CC2D2A: variants seen among roughly 807,000 people sequenced by gnomAD.
CC2D2A encodes coiled-coil and C2 domain-containing protein 2A.
A neutral mutation model predicts 212.9 loss-of-function variants in CC2D2A; 155 were observed. That is an observed-to-expected ratio of 0.73 (90% CI 0.64 to 0.83). The LOEUF (loss-of-function observed/expected upper bound fraction) is 0.83, where lower values mean the gene tolerates loss of function less well. CC2D2A is among the 40% of genes least tolerant of loss of function. CC2D2A has a pLI of 0.00. For synonymous variants in CC2D2A, 667 were observed against 686.5 expected (o/e 0.97, Z 0.44); for missense variants, 1,856 against 1,956.2 (o/e 0.95, Z 0.97).
chr4:15,580,376 G>A (rs1720608929), intron 30 of CC2D2A, among the ~76,000 whole-genome samples: 1 of 152,160 alleles, frequency 6.6e-6, no homozygotes, highest in Non-Finnish European at 1.5e-5. Context: ...AGTGGCTCAT[G>A]CCTGTAATCC....
chr4:15,574,514 G>A (rs970408218), intron 29 of CC2D2A, among the ~76,000 whole-genome samples, 188 bp downstream of exon 29: 1 of 152,160 alleles, frequency 6.6e-6, no homozygotes, highest in African/African-American at 2.4e-5. Flanking sequence ...TACTTTCACT[G>A]AACCAGTAAT....
At chr4:15,475,452 G>A (rs1379608861) in intron 1 of CC2D2A, among the ~76,000 whole-genome samples, 2 of 152,160 alleles carry the variant, frequency 1.3e-5, no homozygotes, top group Non-Finnish European at 2.9e-5. Context: ...ACTGTTCAAG[G>A]AGGGGCCCCA....
rs1718152536 is a variant in CC2D2A, at chr4:15,536,740, C to T, written c.1608-180C>T. The stretch of plus-strand genomic sequence containing the variant: ...TTACTTAACTTCTATGTGCCTCTGT[C>T]ATCTCATGTATACGATGTGGATAAT... On this transcript the variant is annotated intron_variant, in intron 14 of 36. Transcript: ENST00000424120. Among the ~76,000 whole-genome samples, 3 of 152,190 alleles carry T rather than the reference C, an allele frequency of 2.0e-5. No individual in the cohort carries two copies. In the South Asian group the frequency reaches 6.2e-4, roughly 32 times the overall value.
chr4:15,533,234 G>A lies in CC2D2A; in HGVS notation c.1508G>A (p.Arg503Lys), dbSNP rs1560169228. ...CGTGATGCTGAACAAGAAAAAGATA[G>A]AACATTGCTTAAGACTATCATAAAA... is the stretch of plus-strand genomic sequence containing the variant. ...KFRDAEQEKD[R>K]TLLKTIIKVW... Residue 503 changes from arginine (R) to lysine (K), a missense_variant, in exon 14 of 37, where the codon AGA becomes AAA. Around this residue, in one of 5 missense-constraint regions of CC2D2A, gnomAD observed 1,512 missense variants for 1,579.3 expected, o/e 0.96. Transcript: ENST00000424120. 3 of 1,596,702 alleles carry A rather than the reference G, an allele frequency of 1.9e-6. No individual in the cohort carries two copies. The highest frequency in any genetic ancestry group is 3.6e-5 in the Admixed American group (2 of 55,332).
chr4:15,489,092 T>G (rs1003443540), intron 4 of CC2D2A, among the ~76,000 whole-genome samples: 1 of 152,240 alleles, frequency 6.6e-6, no homozygotes, highest in Non-Finnish European at 1.5e-5. Context: ...AACATCTGTT[T>G]TCCATTCATT....
In CC2D2A at chr4:15,596,091, T is replaced by C. The variant is rs1721307174; in HGVS notation, c.4321T>C (p.Phe1441Leu). The C allele has an allele frequency of 1.3e-6, 2 of 1,546,556 alleles. No homozygotes were observed. Among genetic ancestry groups the C allele is most frequent in the Non-Finnish European group, 1.7e-6 (2 of 1,144,294 alleles). ...GCLIGPDNIWFNIQRYESPLR... is the reference protein window; with the variant it reads ...GCLIGPDNIWLNIQRYESPLR... ...GTAGTCTTGTCTTTCTTAGATTTGG[T>C]TTAATATTCAACGATATGAATCTCC... is the stretch of plus-strand genomic sequence containing the variant. Residue 1441 changes from phenylalanine (F) to leucine (L), a missense_variant, in exon 34 of 37, where the codon TTT becomes CTT. Coordinates refer to ENST00000424120, the MANE Select transcript of CC2D2A (RefSeq NM_001378615.1).
chr4:15,511,402 A>C lies in CC2D2A; in HGVS notation c.696A>C (p.Ala232=). The C allele has an allele frequency of 6.4e-7, 1 of 1,550,754 alleles. No homozygotes were observed. The highest frequency in any genetic ancestry group is 8.6e-7 in the Non-Finnish European group (1 of 1,157,112). Residue 232 remains alanine (A), a synonymous_variant, in exon 8 of 37, where the codon GCA becomes GCC. Coordinates refer to ENST00000424120, the MANE Select transcript of CC2D2A (RefSeq NM_001378615.1). ...EEEGEEEEPP[A]QGGGKEMDEE... is the part of the protein sequence containing the mutation. The stretch of plus-strand genomic sequence containing the variant: ...AAGGGGAAGAAGAAGAACCACCTGC[A>C]CAAGGAGGAGGAAAGGAAATGGTAT...
intron 28 of CC2D2A, among the ~76,000 whole-genome samples, chr4:15,571,696 C>G (rs1720176827): frequency 6.6e-6 from 1 of 151,652 alleles, no homozygotes; most frequent in African/African-American, 2.4e-5. Flanking sequence ...CTTCCCTAGG[C>G]AAAAGGGATT....
chr4:15,520,337 C>T (rs898897093), intron 11 of CC2D2A, among the ~76,000 whole-genome samples: 6 of 152,050 alleles, frequency 3.9e-5, no homozygotes, highest in African/African-American at 1.4e-4. Flanking sequence ...AAGTTCCAGC[C>T]CATGAGGAAT....
At chr4:15,513,259 G>A (rs1466715771) in intron 8 of CC2D2A, among the ~76,000 whole-genome samples, 1 of 152,144 alleles carries the variant, frequency 6.6e-6, no homozygotes, top group Non-Finnish European at 1.5e-5. Flanking sequence ...AGTGATCTAG[G>A]GGAGAACCCA....
At chr4:15,495,979 C>T (rs1715593758) in intron 4 of CC2D2A, among the ~76,000 whole-genome samples, 1 of 152,128 alleles carries the variant, frequency 6.6e-6, no homozygotes, top group African/African-American at 2.4e-5. Flanking sequence ...TTGCATTTCT[C>T]TAATAATTTG....
rs386833762 is a variant in CC2D2A at position 15,597,467 on chromosome 4, T to C, written c.4496+2T>C. On this transcript the variant is annotated splice_donor_variant, in intron 35 of 36. Coordinates refer to ENST00000424120, the MANE Select transcript of CC2D2A (RefSeq NM_001378615.1). LOFTEE classifies it high-confidence loss of function. The stretch of plus-strand genomic sequence containing the variant: ...AGCTGCAGCTGAGCTACAAGACAGG[T>C]AACATAACATCCATAAATCCACATG... The C allele has an allele frequency of 5.8e-6, 9 of 1,551,676 alleles. No individual in the cohort carries two copies. The South Asian group carries it at 8.3e-5, about 14-fold the overall frequency.
Position 15,478,780 on chromosome 4 carries a change from G to T in CC2D2A, c.97G>T (p.Val33Phe), listed in dbSNP as rs745409806. The T allele has an allele frequency of 1.0e-5, 16 of 1,554,526 alleles. 1 individual carries two copies. The highest frequency in any genetic ancestry group is 2.4e-5 in the East Asian group (1 of 41,144). The change falls in exon 3 of 37, where the codon GTT becomes TTT. Residue 33 changes from valine (V) to phenylalanine (F), a missense_variant. This residue lies in a region of CC2D2A where 1,512 missense variants were observed against 1,579.3 expected (regional missense o/e 0.96). Coordinates refer to ENST00000424120, the MANE Select transcript of CC2D2A (RefSeq NM_001378615.1). ...DMGRQNKNSK[V>F]RRQPRKKQPP... ...GGGAAGACAGAATAAGAACTCAAAGGTTCGAAGACAGCCAAGAAAGAAACA... is the reference window on the plus strand; with the variant it reads ...GGGAAGACAGAATAAGAACTCAAAGTTTCGAAGACAGCCAAGAAAGAAACA...
intron 24 of CC2D2A, among the ~76,000 whole-genome samples, chr4:15,564,776 CAAGTGA>C (rs1399387139): frequency 6.6e-6 from 1 of 152,150 alleles, no homozygotes; most frequent in Non-Finnish European, 1.5e-5. Flanking sequence ...CTCCTGGGCT[CAAGTGA>C]TCCTCCCATC....
At chr4:15,515,827 T>C (rs1359263358) in intron 9 of CC2D2A, 41 bp from the exon 10 acceptor site, 1 of 1,517,696 alleles carries the variant, frequency 6.6e-7, no homozygotes. Flanking sequence ...GATATTTAGA[T>C]TGGCCCTAAT....
chr4:15,481,069 C>T, intron 4 of CC2D2A: 1 of 485,420 alleles, frequency 2.1e-6, no homozygotes, highest in Admixed American at 2.6e-5. Flanking sequence ...CCCTCCAAAT[C>T]TGAAATGTGA....
intron 30 of CC2D2A, among the ~76,000 whole-genome samples, chr4:15,585,341 C>T (rs765923690): frequency 1.3e-5 from 2 of 152,082 alleles, no homozygotes; most frequent in African/African-American, 2.4e-5. Context: ...CTGTCATTTG[C>T]GACAACATGG....
chr4:15,590,660 TATAGA>T (rs1721062579), intron 33 of CC2D2A, among the ~76,000 whole-genome samples: 2 of 152,242 alleles, frequency 1.3e-5, no homozygotes, highest in African/African-American at 4.8e-5. Context: ...GTCACTACTT[TATAGA>T]ATAGTTGTGA....
intron 18 of CC2D2A, among the ~76,000 whole-genome samples, chr4:15,551,760 T>G (rs959331229): frequency 6.6e-6 from 1 of 152,210 alleles, no homozygotes; most frequent in Non-Finnish European, 1.5e-5. Context: ...ATCTGATCAT[T>G]CCAATACCTA....
Sources: allele counts gnomAD v4.1 joint callset (sites outside exome capture counted in the v4.1 genomes callset), GRCh38; gene constraint gnomAD v4.1.1; regional missense constraint gnomAD v4.1.1; transcripts MANE v1.5; gene names NCBI Gene and HGNC (gene_info 2026-07-23, HGNC 2026-07-21).